The following RIPOR3 variants were observed in gnomAD, a reference collection of about 807,000 sequenced individuals.
RIPOR3 encodes RIPOR family member 3.
In RIPOR3, 95 loss-of-function variants were observed where a neutral mutation model predicts 114.3. The observed-to-expected ratio is 0.83, with a 90% confidence interval of 0.70 to 0.99. RIPOR3 has a LOEUF of 0.99. RIPOR3 is among the 50% of genes least tolerant of loss of function. RIPOR3 has a pLI of 0.00. For synonymous variants in RIPOR3, 575 were observed against 543.8 expected (o/e 1.06, Z -0.80); for missense variants, 1,252 against 1,266.9 (o/e 0.99, Z 0.18).
chr20:50,631,975 C>A (rs564962323), intron 1 of RIPOR3, among the ~76,000 whole-genome samples: 1 of 152,270 alleles, frequency 6.6e-6, no homozygotes, highest in Non-Finnish European at 1.5e-5. Context: ...TCCAGTCCAC[C>A]TCATCTTCCT....
chr20:50,679,306 G>A (rs1159860700), intron 1 of RIPOR3, among the ~76,000 whole-genome samples: 2 of 150,210 alleles, frequency 1.3e-5, no homozygotes, highest in Admixed American at 1.3e-4. Flanking sequence ...TAAAAAAGAG[G>A]CACCAAGAAG....
intron 1 of RIPOR3, among the ~76,000 whole-genome samples, chr20:50,641,072 G>A: frequency 6.6e-6 from 1 of 151,922 alleles, no homozygotes; most frequent in East Asian, 1.9e-4. Context: ...ACCACGCCTG[G>A]GTAATTTTTT....
rs764962247 is a variant in RIPOR3 at position 50,594,652 on chromosome 20, C to T, written c.2113G>A (p.Gly705Ser). The T allele has an allele frequency of 1.2e-6, 2 of 1,613,736 alleles. No homozygotes were observed. The highest frequency in any genetic ancestry group is 1.7e-5 in the Admixed American group (1 of 60,002). ...GTGGCAGGGCAGGACAGGACCCTGC[C>T]AGGCCCTGTGCACCCTCTCCACAGC... ...LKLWRGCTGP[G>S]RVLSCPATTL... is the part of the protein sequence containing the mutation. Residue 705 changes from glycine (G) to serine (S), a missense_variant, in exon 17 of 22, where the codon GGC becomes AGC. Transcript: ENST00000327979.
rs142197858 is a variant in RIPOR3 at position 50,606,331 on chromosome 20, G to A, written c.957-1557C>T. Among the ~76,000 whole-genome samples the A allele has an allele frequency of 3.0e-3, 460 of 152,340 alleles. 3 individuals are homozygous for A. Among genetic ancestry groups the A allele is most frequent in the African/African-American group, 0.011 (441 of 41,582 alleles). On this transcript the variant is annotated intron_variant, in intron 11 of 21. Coordinates refer to ENST00000327979, the MANE Select transcript of RIPOR3 (RefSeq NM_001290268.2). ...GGCAGGAAACCTCAGGTCAATTCATGCTAAATCAAGGAAAGACACCAAGGT... is the reference window on the plus strand; with the variant it reads ...GGCAGGAAACCTCAGGTCAATTCATACTAAATCAAGGAAAGACACCAAGGT...
At chr20:50,675,513 C>A (rs958308010) in intron 1 of RIPOR3, among the ~76,000 whole-genome samples, 2 of 152,200 alleles carry the variant, frequency 1.3e-5, no homozygotes, top group Non-Finnish European at 1.5e-5. Flanking sequence ...TCTATCTGGT[C>A]TAAAGCCCAC....
intron 4 of RIPOR3, 73 bp from the exon 5 acceptor site, chr20:50,611,277 A>G (rs2123083401): frequency 1.2e-6 from 2 of 1,600,994 alleles, no homozygotes; most frequent in East Asian, 2.2e-5. Context: ...ATGAGGCTCT[A>G]TGCTGGCGGC....
chr20:50,600,335 G>A (rs760522676), intron 13 of RIPOR3, among the ~76,000 whole-genome samples: 2 of 152,172 alleles, frequency 1.3e-5, no homozygotes, highest in African/African-American at 4.8e-5. Flanking sequence ...GTTCCTTAAA[G>A]ACGTTTAAAA....
At chr20:50,607,428 C>G (rs564386303) in intron 11 of RIPOR3, among the ~76,000 whole-genome samples, 1 of 152,172 alleles carries the variant, frequency 6.6e-6, no homozygotes, top group Non-Finnish European at 1.5e-5. Context: ...CCATTTGCCT[C>G]GAAGAAACTT....
intron 1 of RIPOR3, among the ~76,000 whole-genome samples, chr20:50,671,274 C>A (rs1189677608): frequency 6.6e-6 from 1 of 152,228 alleles, no homozygotes; most frequent in Admixed American, 6.5e-5. Flanking sequence ...CAGGCATGAG[C>A]CACCATGCCC....
At chr20:50,681,281 A>AT (rs2086853258) in intron 1 of RIPOR3, among the ~76,000 whole-genome samples, 1 of 151,148 alleles carries the variant, frequency 6.6e-6, no homozygotes, top group African/African-American at 2.4e-5. Context: ...ACTAGAAAAA[A>AT]AAAAACATAT....
intron 4 of RIPOR3, among the ~76,000 whole-genome samples, chr20:50,613,371 T>G (rs1259628709): frequency 6.6e-6 from 1 of 151,932 alleles, no homozygotes. Context: ...GAGAATCACT[T>G]GAACCTGGGA....
At chr20:50,594,297 TG>T (rs2083212334) in intron 17 of RIPOR3, among the ~76,000 whole-genome samples, 1 of 124,946 alleles carries the variant, frequency 8.0e-6, no homozygotes, top group Non-Finnish European at 1.7e-5. Context: ...AAAAAAAAAA[TG>T]CACCGGCCCA....
intron 19 of RIPOR3, chr20:50,589,995 A>AGG (rs2083059088): frequency 1.3e-5 from 6 of 452,514 alleles, no homozygotes; most frequent in Non-Finnish European, 2.0e-5. Context: ...GGCTAATACA[A>AGG]TGAAGAAAGC....
intron 2 of RIPOR3, among the ~76,000 whole-genome samples, chr20:50,626,260 C>A (rs2084615697): frequency 1.3e-5 from 2 of 152,244 alleles, no homozygotes; most frequent in Non-Finnish European, 2.9e-5. Context: ...TGCCCTCACA[C>A]AAGGGGGCGG....
intron 3 of RIPOR3, among the ~76,000 whole-genome samples, chr20:50,617,152 G>A (rs142714406): frequency 6.6e-6 from 1 of 152,110 alleles, no homozygotes; most frequent in African/African-American, 2.4e-5. Context: ...AAACAAAGAA[G>A]GTGGGGGGCG....
At chr20:50,670,366 C>T (rs2086428152) in intron 1 of RIPOR3, among the ~76,000 whole-genome samples, 1 of 146,460 alleles carries the variant, frequency 6.8e-6, no homozygotes, top group South Asian at 2.2e-4. Flanking sequence ...CAGACACCCC[C>T]ACCCCCACCC....
intron 1 of RIPOR3, among the ~76,000 whole-genome samples, chr20:50,644,001 C>T (rs1020045127): frequency 1.3e-5 from 2 of 151,612 alleles, no homozygotes; most frequent in African/African-American, 4.9e-5. Context: ...GCGTGAGCCA[C>T]CGCACCCAGC....
chr20:50,591,076 C>T (rs1387918308), intron 19 of RIPOR3, among the ~76,000 whole-genome samples: 1 of 152,062 alleles, frequency 6.6e-6, no homozygotes, highest in Non-Finnish European at 1.5e-5. Context: ...CTAGGTCAAC[C>T]TGGGATCGAT....
At chr20:50,630,970 TG>T (rs2084801684) in intron 1 of RIPOR3, 114 bp from the exon 2 acceptor site, 2 of 816,790 alleles carry the variant, frequency 2.4e-6, no homozygotes, top group African/African-American at 3.4e-5. Context: ...CAGAGTGTTG[TG>T]GGGGCTGGTA....
Sources: gnomAD v4.1 joint callset for allele counts (sites outside exome capture counted in the v4.1 genomes callset) on GRCh38, gnomAD v4.1.1 for gene constraint, MANE v1.5 for transcripts, NCBI Gene and HGNC (gene_info 2026-07-23, HGNC 2026-07-21) for gene names.